Variants in MEOX2 observed in about 807,000 individuals in gnomAD.
The protein encoded by MEOX2 is mesenchyme homeobox 2.
A neutral mutation model predicts 27.0 loss-of-function variants in MEOX2; 11 were observed. That is an observed-to-expected ratio of 0.41 (90% CI 0.26 to 0.68). The LOEUF is 0.68. MEOX2 is among the 30% of genes least tolerant of loss of function. MEOX2 has a pLI of 0.33. For missense variants in MEOX2, 436 were observed against 385.4 expected, an observed-to-expected ratio of 1.13 and a Z score of -1.10; for synonymous variants, 189 against 155.4, an observed-to-expected ratio of 1.22 and a Z score of -1.61.
intron 1 of MEOX2, among the ~76,000 whole-genome samples, chr7:15,657,658 T>C (rs1334902056): frequency 6.6e-6 from 1 of 152,238 alleles, no homozygotes; most frequent in Non-Finnish European, 1.5e-5. Context: ...GATTATTGAT[T>C]TAAAACATTT....
intron 2 of MEOX2, among the ~76,000 whole-genome samples, chr7:15,620,279 A>C (rs1016357157): frequency 6.6e-6 from 1 of 152,210 alleles, no homozygotes; most frequent in Admixed American, 6.5e-5. Context: ...AATATTCTAA[A>C]GTGTGGCTAC....
chr7:15,639,486 G>C (rs1347677959), intron 1 of MEOX2, among the ~76,000 whole-genome samples: 4 of 151,908 alleles, frequency 2.6e-5, no homozygotes, highest in Non-Finnish European at 5.9e-5. Flanking sequence ...AGTTTAATAA[G>C]TCCCATTTGT....
intron 1 of MEOX2, among the ~76,000 whole-genome samples, chr7:15,676,314 T>C (rs908556694): frequency 6.6e-6 from 1 of 152,204 alleles, no homozygotes; most frequent in African/African-American, 2.4e-5. Flanking sequence ...GTGTGGGACA[T>C]ACATGTTTTC....
intron 1 of MEOX2, chr7:15,667,926 TC>T: frequency 6.6e-6 from 1 of 152,176 alleles, no homozygotes; most frequent in Non-Finnish European, 1.5e-5. Context: ...AAGCAGTCCC[TC>T]CCTAGTTCAG....
chr7:15,646,865 T>G (rs1016235631), intron 1 of MEOX2, among the ~76,000 whole-genome samples: 4 of 151,978 alleles, frequency 2.6e-5, no homozygotes, highest in African/African-American at 9.7e-5. Flanking sequence ...TTTATTAATA[T>G]TCTGTTATCT....
intron 1 of MEOX2, among the ~76,000 whole-genome samples, chr7:15,672,779 C>A (rs909722496): frequency 6.6e-6 from 1 of 151,624 alleles, no homozygotes; most frequent in African/African-American, 2.4e-5. Context: ...GTAGTCCCAG[C>A]TACTTGGGAG....
intron 1 of MEOX2, among the ~76,000 whole-genome samples, chr7:15,632,013 T>C (rs1377971724): frequency 6.6e-6 from 1 of 151,322 alleles, no homozygotes; most frequent in Non-Finnish European, 1.5e-5. Flanking sequence ...AGCATGGATA[T>C]GGATTTGAAA....
At chr7:15,665,193 A>C (rs1047328512) in intron 1 of MEOX2, among the ~76,000 whole-genome samples, 1 of 152,202 alleles carries the variant, frequency 6.6e-6, no homozygotes, top group African/African-American at 2.4e-5. Context: ...CAATATCATC[A>C]AATCTGTGAA....
chr7:15,637,412 G>T (rs1339007708), intron 1 of MEOX2, among the ~76,000 whole-genome samples: 1 of 151,916 alleles, frequency 6.6e-6, no homozygotes, highest in Non-Finnish European at 1.5e-5. Flanking sequence ...ATTACATGGT[G>T]GAGAGAAAGG....
At chr7:15,673,253 G>T (rs1782132493) in intron 1 of MEOX2, among the ~76,000 whole-genome samples, 1 of 152,162 alleles carries the variant, frequency 6.6e-6, no homozygotes. Context: ...AGGCCACAAG[G>T]GGAAATGTAA....
intron 1 of MEOX2, among the ~76,000 whole-genome samples, chr7:15,670,896 C>T (rs1562613704): frequency 6.6e-6 from 1 of 152,132 alleles, no homozygotes; most frequent in Admixed American, 6.5e-5. Flanking sequence ...TAATTCTCAA[C>T]TTTGTCTATA....
intron 1 of MEOX2, chr7:15,681,865 T>C (rs796837858): frequency 6.6e-5 from 10 of 151,928 alleles, no homozygotes; most frequent in African/African-American, 2.4e-4. Context: ...ATTTTTCTTT[T>C]AAAATGAACT....
chr7:15,620,372 T>C (rs1217359862), intron 2 of MEOX2, among the ~76,000 whole-genome samples: 1 of 152,132 alleles, frequency 6.6e-6, no homozygotes, highest in African/African-American at 2.4e-5. Flanking sequence ...TGTATACATT[T>C]GTAGAAATAA....
intron 1 of MEOX2, among the ~76,000 whole-genome samples, chr7:15,675,769 A>G (rs1394678908): frequency 1.3e-5 from 2 of 152,206 alleles, no homozygotes; most frequent in East Asian, 3.8e-4. Flanking sequence ...GAGTCAACGC[A>G]CTGGTTGATG....
At chr7:15,666,396 A>G (rs1184286193) in intron 1 of MEOX2, among the ~76,000 whole-genome samples, 1 of 152,140 alleles carries the variant, frequency 6.6e-6, no homozygotes, top group African/African-American at 2.4e-5. Flanking sequence ...TATTTTTGAA[A>G]TACAAAGTTT....
chr7:15,646,898 T>A (rs1489216743), intron 1 of MEOX2, among the ~76,000 whole-genome samples: 2 of 152,030 alleles, frequency 1.3e-5, no homozygotes, highest in Non-Finnish European at 2.9e-5. Flanking sequence ...ATTGGCTGTG[T>A]TTAAGTGCTT....
In MEOX2 at chr7:15,686,581, T is replaced by C; in HGVS notation, c.-179A>G. 2 of 631,170 alleles carry C rather than the reference T, an allele frequency of 3.2e-6. No homozygotes were observed. The highest frequency in any genetic ancestry group is 2.7e-5 in the East Asian group (1 of 36,464). 39.1% of individuals were successfully genotyped at this position (631,170 alleles called of 1,614,324 possible). On this transcript the variant is annotated 5_prime_UTR_variant, in exon 1 of 3. An upstream open reading frame in the 5' UTR loses its in-frame stop. Transcript: ENST00000262041. Reference sequence around the variant, plus strand: ...CTGAGCCCCAGCGGCCAGTCTCCTTTACATATGAACAGTCGGACCTGGAAG... The same window carrying C: ...CTGAGCCCCAGCGGCCAGTCTCCTTCACATATGAACAGTCGGACCTGGAAG...
At chr7:15,666,609 G>A (rs1045777718) in intron 1 of MEOX2, among the ~76,000 whole-genome samples, 4 of 151,172 alleles carry the variant, frequency 2.6e-5, no homozygotes, top group Non-Finnish European at 4.4e-5. Context: ...AAAATTAGCC[G>A]GGCGTTGTGG....
chr7:15,685,944 T>C lies in MEOX2; in HGVS notation c.459A>G (p.Ala153=), dbSNP rs143756690. The C allele has an allele frequency of 5.0e-6, 8 of 1,611,446 alleles. No individual in the cohort carries two copies. The highest frequency in any genetic ancestry group is 6.8e-6 in the Non-Finnish European group (8 of 1,179,498). The change falls in exon 1 of 3, where the codon GCA becomes GCG. Residue 153 remains alanine, a synonymous_variant. Coordinates refer to ENST00000262041, the MANE Select transcript of MEOX2 (RefSeq NM_005924.5). ...ACAPGDYGRQ[A]LSPAEAEKRS... ...GCTTCTCCGCCTCCGCAGGTGACAG[T>C]GCCTGGCGGCCGTAGTCCCCCGGCG...
Sources: gnomAD v4.1 joint callset for allele counts (sites outside exome capture counted in the v4.1 genomes callset) on GRCh38, gnomAD v4.1.1 for gene constraint, MANE v1.5 for transcripts, NCBI Gene and HGNC (gene_info 2026-07-23, HGNC 2026-07-21) for gene names.